The following SMURF1 variants were observed in gnomAD, a reference collection of about 807,000 sequenced individuals.
SMURF1 encodes E3 ubiquitin-protein ligase SMURF1.
Under a neutral mutation model 98.0 loss-of-function variants are expected in SMURF1, and 44 were observed. The observed-to-expected ratio is 0.45, with a 90% CI of 0.35 to 0.58. SMURF1 has a LOEUF of 0.58. Ranked by LOEUF, SMURF1 falls within the 20% of genes least tolerant of loss-of-function variation. The probability of loss-of-function intolerance (pLI) is 0.00; values close to 1 mark genes in which losing one functional copy is unlikely to be tolerated. For missense variants in SMURF1, 687 were observed against 938.4 expected, an observed-to-expected ratio of 0.73 and a Z score of 3.50; for synonymous variants, 396 against 374.9, an observed-to-expected ratio of 1.06 and a Z score of -0.65.
intron 5 of SMURF1, 99 bp downstream of exon 5, chr7:99,057,106 C>A (rs754815622): frequency 5.6e-5 from 72 of 1,289,604 alleles, no homozygotes; most frequent in Non-Finnish European, 6.6e-5. Context: ...CTCTGAGGCC[C>A]GTCAGCATCG....
intron 1 of SMURF1, among the ~76,000 whole-genome samples, chr7:99,076,780 T>TATGTACATGTGTGTGTACAC: frequency 6.6e-6 from 1 of 152,220 alleles, no homozygotes; most frequent in South Asian, 2.1e-4. Context: ...TGTGTATGCG[T>TATGTACATGTGTGTGTACAC]ATGTACATGT....
chr7:99,087,200 T>A (rs1054642809), intron 1 of SMURF1, among the ~76,000 whole-genome samples: 3 of 151,264 alleles, frequency 2.0e-5, no homozygotes, highest in Non-Finnish European at 4.4e-5. Context: ...CAAGACCCCA[T>A]CTCTACAAAA....
chr7:99,104,842 C>T (rs1037219432), intron 1 of SMURF1, among the ~76,000 whole-genome samples: 14 of 152,170 alleles, frequency 9.2e-5, no homozygotes, highest in African/African-American at 3.4e-4. Context: ...AGGGGCTTCA[C>T]GCAGACCAGG....
chr7:99,052,653 C>T (rs567775815), intron 6 of SMURF1, among the ~76,000 whole-genome samples: 1 of 152,198 alleles, frequency 6.6e-6, no homozygotes, highest in Non-Finnish European at 1.5e-5. Context: ...GAACAGGTGG[C>T]CGGAGTGTCC....
intron 14 of SMURF1, among the ~76,000 whole-genome samples, 195 bp downstream of exon 14, chr7:99,038,193 C>T (rs1435594269): frequency 6.6e-6 from 1 of 152,170 alleles, no homozygotes; most frequent in Non-Finnish European, 1.5e-5. Flanking sequence ...CTGGCCCCAT[C>T]AGGGCCCCTC....
intron 6 of SMURF1, among the ~76,000 whole-genome samples, chr7:99,053,427 GTTCA>G (rs147559642): frequency 0.03 from 4,579 of 152,048 alleles, 100 homozygotes; most frequent in South Asian, 0.058. Flanking sequence ...ACTAAAAAAT[GTTCA>G]TTAATTTTTT....
At chr7:99,133,123 C>T (rs906873013) in intron 1 of SMURF1, among the ~76,000 whole-genome samples, 3 of 152,132 alleles carry the variant, frequency 2.0e-5, no homozygotes, top group Non-Finnish European at 4.4e-5. Flanking sequence ...ACACCCCACC[C>T]ACACGCAGTG....
At chr7:99,112,862 C>T (rs1170319691) in intron 1 of SMURF1, among the ~76,000 whole-genome samples, 1 of 151,766 alleles carries the variant, frequency 6.6e-6, no homozygotes, top group Non-Finnish European at 1.5e-5. Flanking sequence ...TTGAAAAGTA[C>T]AATAATGTAA....
In SMURF1 at chr7:99,057,531, G is replaced by A. The variant is rs770332004; in HGVS notation, c.224C>T (p.Ser75Leu). The A allele has an allele frequency of 8.4e-6, 13 of 1,543,190 alleles. No individual in the cohort carries two copies. The highest frequency in any genetic ancestry group is 7.6e-5 in the South Asian group (6 of 79,012). Residue 75 changes from serine (S) to leucine (L), a missense_variant, in exon 4 of 18, where the codon TCG becomes TTG. By Grantham distance (145) the Ser-to-Leu change is moderately radical. Coordinates refer to ENST00000361368, the MANE Select transcript of SMURF1 (RefSeq NM_181349.3). ...HYDLYVGKTD[S>L]ITISVWNHKK... is the part of the protein sequence containing the mutation. Reference sequence around the variant, plus strand: ...ATGGTTCCACACGCTAATGGTTATCGAATCCGTTTTCCCAACATATCTGGA... The same window carrying A: ...ATGGTTCCACACGCTAATGGTTATCAAATCCGTTTTCCCAACATATCTGGA...
intron 1 of SMURF1, among the ~76,000 whole-genome samples, chr7:99,105,640 G>A (rs1258050204): frequency 6.6e-6 from 1 of 152,138 alleles, no homozygotes; most frequent in Non-Finnish European, 1.5e-5. Context: ...TTGAACCCAG[G>A]CAATCTAGCT....
At chr7:99,121,315 T>C (rs1451398183) in intron 1 of SMURF1, 1 of 151,920 alleles carries the variant, frequency 6.6e-6, no homozygotes, top group Admixed American at 6.6e-5. Context: ...TTTTCTAACC[T>C]TGAAGAGTAA....
chr7:99,042,082 A>C (rs1795408377), intron 12 of SMURF1, 36 bp downstream of exon 12: 3 of 1,528,672 alleles, frequency 2.0e-6, no homozygotes, highest in Non-Finnish European at 2.7e-6. Flanking sequence ...AACTTCTCCA[A>C]CTCAATTCCC....
chr7:99,131,446 G>C (rs953658351), intron 1 of SMURF1, among the ~76,000 whole-genome samples: 6 of 151,894 alleles, frequency 4.0e-5, no homozygotes, highest in Non-Finnish European at 8.8e-5. Flanking sequence ...GACTTGGTAG[G>C]AAAGAATCAA....
chr7:99,081,732 G>A (rs979221076), intron 1 of SMURF1, among the ~76,000 whole-genome samples: 3 of 152,138 alleles, frequency 2.0e-5, no homozygotes, highest in Admixed American at 2.0e-4. Context: ...GGCTCACTGC[G>A]ATCTCTGCCT....
intron 1 of SMURF1, among the ~76,000 whole-genome samples, chr7:99,121,588 C>G (rs777068243): frequency 5.3e-5 from 8 of 152,172 alleles, no homozygotes; most frequent in Non-Finnish European, 1.2e-4. Context: ...ACTCCCAGAT[C>G]CTTCCCAAGC....
Position 99,057,403 on chromosome 7 carries a change from G to C in SMURF1, c.337+15C>G. 1 of 1,612,644 alleles carries C rather than the reference G, an allele frequency of 6.2e-7. No homozygotes were observed. The highest frequency in any genetic ancestry group is 8.5e-7 in the Non-Finnish European group (1 of 1,179,720). On this transcript the variant is annotated intron_variant, in intron 4 of 17. Coordinates refer to ENST00000361368, the MANE Select transcript of SMURF1 (RefSeq NM_181349.3). ...TTTGGTTGCATTAAGAGGCAGGAAA[G>C]TGTTTGGTTCTTACATCCGGTATCT...
intron 1 of SMURF1, among the ~76,000 whole-genome samples, chr7:99,100,947 A>G (rs1797064398): frequency 6.6e-6 from 1 of 152,204 alleles, no homozygotes; most frequent in South Asian, 2.1e-4. Context: ...TGGAGAAAAG[A>G]ACACTATACA....
intron 1 of SMURF1, among the ~76,000 whole-genome samples, chr7:99,128,820 C>T (rs189019248): frequency 1.8e-4 from 27 of 152,266 alleles, no homozygotes; most frequent in African/African-American, 1.9e-4. Context: ...GCAATAGCAA[C>T]GATGTCCAAA....
intron 5 of SMURF1, among the ~76,000 whole-genome samples, chr7:99,055,381 T>C (rs903222617): frequency 5.3e-5 from 8 of 151,638 alleles, no homozygotes; most frequent in African/African-American, 9.7e-5. Flanking sequence ...GGCAGGAGAA[T>C]TGCTTGAACC....
Sources: allele counts gnomAD v4.1 joint callset (sites outside exome capture counted in the v4.1 genomes callset), GRCh38; gene constraint gnomAD v4.1.1; transcripts MANE v1.5; gene names NCBI Gene and HGNC (gene_info 2026-07-23, HGNC 2026-07-21).